NECTIN2: variants seen among roughly 807,000 people sequenced by gnomAD.
NECTIN2 encodes the protein nectin cell adhesion molecule 2.
In NECTIN2, 23 loss-of-function variants were observed where a neutral mutation model predicts 56.9. The ratio of observed to expected loss-of-function variants is 0.40; its 90% CI spans 0.29 to 0.57. The LOEUF is 0.57. Ranked by LOEUF, NECTIN2 falls within the 20% of genes least tolerant of loss-of-function variation. NECTIN2 has a pLI of 0.38. For synonymous variants in NECTIN2, 302 were observed against 313.8 expected (o/e 0.96, Z 0.40); for missense variants, 587 against 718.3 (o/e 0.82, Z 2.09).
chr19:44,881,540 A>G (rs1487583078), intron 5 of NECTIN2, among the ~76,000 whole-genome samples: 5 of 147,440 alleles, frequency 3.4e-5, no homozygotes, highest in Non-Finnish European at 7.5e-5. Context: ...AAAAAAAAAA[A>G]GCTGGGCCTG....
intron 1 of NECTIN2, among the ~76,000 whole-genome samples, chr19:44,860,384 G>C (rs1969018212): frequency 6.6e-6 from 1 of 152,066 alleles, no homozygotes; most frequent in Non-Finnish European, 1.5e-5. Context: ...TTGGTGGCTC[G>C]CACCTGTAGT....
chr19:44,853,343 C>A (rs542533168), intron 1 of NECTIN2, among the ~76,000 whole-genome samples: 19 of 151,800 alleles, frequency 1.3e-4, no homozygotes, highest in Non-Finnish European at 1.6e-4. Context: ...ACTACAGGGG[C>A]CTGCCACCAC....
chr19:44,862,864 A>C (rs1323205276), intron 1 of NECTIN2, among the ~76,000 whole-genome samples: 2 of 151,704 alleles, frequency 1.3e-5, no homozygotes, highest in Non-Finnish European at 2.9e-5. Flanking sequence ...AATATTAAAA[A>C]ATTGGCCGGG....
At chr19:44,884,277 G>T (rs965550897) in intron 6 of NECTIN2, among the ~76,000 whole-genome samples, 1 of 151,928 alleles carries the variant, frequency 6.6e-6, no homozygotes, top group Non-Finnish European at 1.5e-5. Context: ...TCTTCCTACC[G>T]CAGCCTCCCA....
chr19:44,885,904 T>A, intron 6 of NECTIN2, 33 bp from the exon 7 acceptor site: 1 of 1,524,020 alleles, frequency 6.6e-7, no homozygotes, highest in Non-Finnish European at 9.1e-7. Context: ...GCCTGGGTCT[T>A]AATCTCCACT....
intron 2 of NECTIN2, among the ~76,000 whole-genome samples, chr19:44,868,466 C>CTTTTTTTTTTTTT (rs71338735): frequency 2.2e-5 from 3 of 133,510 alleles, no homozygotes; most frequent in Non-Finnish European, 3.2e-5. Flanking sequence ...TTTCCTTTTT[C>CTTTTTTTTTTTTT]TTTTTTTTTT....
At chr19:44,848,795 C>T (rs1203475869) in intron 1 of NECTIN2, among the ~76,000 whole-genome samples, 1 of 152,072 alleles carries the variant, frequency 6.6e-6, no homozygotes, top group African/African-American at 2.4e-5. Context: ...CTCTTCTCCT[C>T]TCCCCATCTC....
intron 2 of NECTIN2, among the ~76,000 whole-genome samples, chr19:44,867,525 C>A (rs964328157): frequency 6.6e-6 from 1 of 152,156 alleles, no homozygotes; most frequent in African/African-American, 2.4e-5. Context: ...GGAAGTAAAA[C>A]GGCTTAGAAG....
In NECTIN2 at chr19:44,888,187, G is replaced by A; in HGVS notation, c.1425G>A (p.Gly475=). 1 of 1,614,160 alleles carries A rather than the reference G, an allele frequency of 6.2e-7. No homozygotes were observed. Among genetic ancestry groups the A allele is most frequent in the Non-Finnish European group, 8.5e-7 (1 of 1,180,024 alleles). The change falls in exon 9 of 9, where the codon GGG becomes GGA. Residue 475 remains glycine, a synonymous_variant. Transcript: ENST00000252483. ...GPLHPGATSL[G]SPIPVPPGPP... ...TGCACCCTGGAGCCACAAGCCTGGG[G>A]TCCCCCATCCCGGTGCCTCCAGGGC...
chr19:44,888,093 C>T lies in NECTIN2; in HGVS notation c.1348-17C>T. On this transcript the variant is annotated splice_polypyrimidine_tract_variant and intron_variant, in intron 8 of 8. Transcript: ENST00000252483. The stretch of plus-strand genomic sequence containing the variant: ...GTAGGAAGTGATCTTGAGTTCCTGT[C>T]CTCTCTCTACCTCCAGGAAATGCCT... The T allele has an allele frequency of 1.2e-6, 2 of 1,605,424 alleles. No homozygotes were observed. The highest frequency in any genetic ancestry group is 1.7e-6 in the Non-Finnish European group (2 of 1,173,538).
At chr19:44,862,284 G>T (rs1182118272) in intron 1 of NECTIN2, among the ~76,000 whole-genome samples, 1 of 69,122 alleles carries the variant, frequency 1.4e-5, no homozygotes, top group African/African-American at 4.3e-5. Context: ...GTGTGGTGGC[G>T]GGCACCTGTA....
Position 44,882,360 on chromosome 19 carries a change from G to C in NECTIN2, c.1192G>C (p.Glu398Gln). The part of the protein sequence containing the change: ...EQTLQGAEED[E>Q]DLEGPPSYKP... ...GACGCTGCAGGGGGCAGAGGAGGAC[G>C]AAGAGTAAGTGATGGGCCCTGAGAC... Residue 398 changes from glutamate to glutamine, a missense_variant, in exon 6 of 9, where the codon GAA (glutamate) becomes CAA (glutamine). Transcript: ENST00000252483. 1 of 1,440,194 alleles carries C rather than the reference G, an allele frequency of 6.9e-7. No individual in the cohort carries two copies. The highest frequency in any genetic ancestry group is 9.2e-7 in the Non-Finnish European group (1 of 1,085,264). 89.2% of individuals were successfully genotyped at this position (1,440,194 alleles called of 1,614,324 possible). A position where few individuals can be genotyped will look rare whatever the true frequency, so the allele number is the denominator to read the frequency against.
chr19:44,886,619 C>T (rs1251680813), intron 8 of NECTIN2, among the ~76,000 whole-genome samples: 2 of 151,938 alleles, frequency 1.3e-5, no homozygotes, highest in Non-Finnish European at 2.9e-5. Context: ...CTACCCGGGG[C>T]GCTGAGGAGG....
chr19:44,853,348 C>G (rs1363918094), intron 1 of NECTIN2, among the ~76,000 whole-genome samples: 1 of 152,006 alleles, frequency 6.6e-6, no homozygotes, highest in Non-Finnish European at 1.5e-5. Context: ...AGGGGCCTGC[C>G]ACCACGCCCA....
At chr19:44,887,264 G>C (rs755651197) in intron 8 of NECTIN2, among the ~76,000 whole-genome samples, 3 of 151,962 alleles carry the variant, frequency 2.0e-5, no homozygotes, top group Admixed American at 6.6e-5. Flanking sequence ...CAGGAGAATC[G>C]CTTGGACCCA....
intron 1 of NECTIN2, among the ~76,000 whole-genome samples, chr19:44,847,305 G>A (rs1968847102): frequency 6.6e-6 from 1 of 152,168 alleles, no homozygotes; most frequent in East Asian, 1.9e-4. Flanking sequence ...CTGGTAGAAT[G>A]GAGGCTAGGC....
intron 1 of NECTIN2, among the ~76,000 whole-genome samples, chr19:44,862,920 C>T (rs1245523626): frequency 6.8e-6 from 1 of 147,534 alleles, no homozygotes; most frequent in African/African-American, 2.5e-5. Flanking sequence ...GAGCCCGAGG[C>T]GGCAGATCAC....
At chr19:44,881,069 C>T (rs762894478) in intron 5 of NECTIN2, among the ~76,000 whole-genome samples, 2 of 110,128 alleles carry the variant, frequency 1.8e-5, no homozygotes, top group Non-Finnish European at 3.8e-5. Context: ...CCAACGCGCC[C>T]GGCTAGCCCC....
rs1390276391 is a variant in NECTIN2, at chr19:44,875,101, C to T, written c.1042+623C>T. Among the ~76,000 whole-genome samples the T allele has an allele frequency of 6.6e-6, 1 of 152,136 alleles. No homozygotes were observed. Among genetic ancestry groups the T allele is most frequent in the Non-Finnish European group, 1.5e-5 (1 of 68,028 alleles). On this transcript the variant is annotated intron_variant, in intron 5 of 8. Coordinates refer to ENST00000252483, the MANE Select transcript of NECTIN2 (RefSeq NM_001042724.2). This position sits in a 1 kb window ranked among gnomAD's most constrained non-coding sequence, Gnocchi z 4.2. ...GCAGGATCCACAGCCACAGACACTCCCTGTGCTGAGAAATTCTGTTGCAGA... is the reference window on the plus strand; with the variant it reads ...GCAGGATCCACAGCCACAGACACTCTCTGTGCTGAGAAATTCTGTTGCAGA...
Sources: gnomAD v4.1 joint callset for allele counts (sites outside exome capture counted in the v4.1 genomes callset) on GRCh38, gnomAD v4.1.1 for gene constraint, Gnocchi (gnomAD v3.1) non-coding constraint, MANE v1.5 for transcripts, NCBI Gene and HGNC (gene_info 2026-07-23, HGNC 2026-07-21) for gene names.